PIWIL1: variants seen among roughly 807,000 people sequenced by gnomAD.
PIWIL1 encodes the protein piwi-like protein 1.
Under a neutral mutation model 114.4 loss-of-function variants are expected in PIWIL1, and 73 were observed. The observed-to-expected ratio is 0.64, with a 90% CI of 0.53 to 0.78. PIWIL1 has a LOEUF of 0.78. Ranked by LOEUF, PIWIL1 falls within the 30% of genes least tolerant of loss-of-function variation. PIWIL1 has a pLI of 0.00. For missense variants in PIWIL1, 723 were observed against 1,063.1 expected, an observed-to-expected ratio of 0.68 and a Z score of 4.45; for synonymous variants, 375 against 369.0, an observed-to-expected ratio of 1.02 and a Z score of -0.19.
chr12:130,404,563 G>A, the PIWIL1 span, among the ~76,000 whole-genome samples: 35 of 152,294 alleles, frequency 2.3e-4, no homozygotes, highest in Admixed American at 6.5e-5. Context: ...GCCTCCGCAT[G>A]AGTCACCGTG....
intron 6 of PIWIL1, among the ~76,000 whole-genome samples, chr12:130,347,766 T>G (rs2073107363): frequency 7.2e-6 from 1 of 139,174 alleles, no homozygotes; most frequent in Non-Finnish European, 1.6e-5. Context: ...CCATGTCATC[T>G]CTTGGCAGCT....
At chr12:130,356,404 A>T (rs959545846) in intron 12 of PIWIL1, among the ~76,000 whole-genome samples, 2 of 151,912 alleles carry the variant, frequency 1.3e-5, no homozygotes, top group Non-Finnish European at 2.9e-5. Flanking sequence ...GCGTGAGGCC[A>T]GGCAGGGAGG....
chr12:130,356,406 G>GC (rs1290526918), intron 12 of PIWIL1, among the ~76,000 whole-genome samples: 1 of 151,900 alleles, frequency 6.6e-6, no homozygotes, highest in Non-Finnish European at 1.5e-5. Context: ...GTGAGGCCAG[G>GC]CAGGGAGGTG....
the PIWIL1 span, chr12:130,422,475 C>T: frequency 6.2e-7 from 1 of 1,612,458 alleles, no homozygotes; most frequent in Non-Finnish European, 8.5e-7. The surrounding 1 kb of genome is among the most constrained non-coding windows in gnomAD (Gnocchi z 5.2). Context: ...CTGTCACGGG[C>T]CGGGACCTCT....
At position 130,356,944 on chromosome 12, in the gene PIWIL1, T is replaced by G; in HGVS notation, c.1431T>G (p.Asp477Glu). The G allele has an allele frequency of 6.2e-7, 1 of 1,610,324 alleles. No homozygotes were observed. The highest frequency in any genetic ancestry group is 8.5e-7 in the Non-Finnish European group (1 of 1,177,796). The part of the protein sequence containing the change: ...KTFDYNPQFA[D>E]WSKETRGAPL... ...TTGATTACAATCCACAATTTGCAGA[T>G]TGGTCCAAAGAAACAAGAGGTGCAC... The change falls in exon 13 of 21, where the codon GAT (aspartate) becomes GAG (glutamate). Residue 477 changes from aspartate (D) to glutamate (E), a missense_variant. Asp to Glu is a conservative substitution (Grantham distance 45, BLOSUM62 2). Coordinates refer to ENST00000245255, the MANE Select transcript of PIWIL1 (RefSeq NM_004764.5).
chr12:130,412,427 C>A, the PIWIL1 span, among the ~76,000 whole-genome samples: 4 of 152,220 alleles, frequency 2.6e-5, no homozygotes, highest in African/African-American at 9.6e-5. Flanking sequence ...CTAAAGCACA[C>A]AGGAGACTAC....
At chr12:130,374,233 A>T (rs1484797762), downstream of PIWIL1, among the ~76,000 whole-genome samples, 1 of 152,214 alleles carries the variant, frequency 6.6e-6, no homozygotes, top group African/African-American at 2.4e-5. Flanking sequence ...GCTTACACAC[A>T]GTGACGGCTC....
chr12:130,402,060 A>C, the PIWIL1 span, among the ~76,000 whole-genome samples: 1 of 152,200 alleles, frequency 6.6e-6, no homozygotes, highest in African/African-American at 2.4e-5. Flanking sequence ...TTTTGGGCTG[A>C]ACACACACAG....
At chr12:130,385,900 A>T in the PIWIL1 span, among the ~76,000 whole-genome samples, 1 of 152,004 alleles carries the variant, frequency 6.6e-6, no homozygotes, top group Non-Finnish European at 1.5e-5. Flanking sequence ...CAGGTGACTG[A>T]AATGATATTT....
the PIWIL1 span, among the ~76,000 whole-genome samples, chr12:130,418,518 C>G: frequency 6.6e-6 from 1 of 152,148 alleles, no homozygotes; most frequent in African/African-American, 2.4e-5. Context: ...AACTTAATGA[C>G]CATGTCAGTG....
At chr12:130,376,741 A>G (rs1406197235), downstream of PIWIL1, among the ~76,000 whole-genome samples, 1 of 152,114 alleles carries the variant, frequency 6.6e-6, no homozygotes, top group African/African-American at 2.4e-5. Context: ...TTCCTAACCC[A>G]TGTCTCTGCT....
rs116314053 is a variant in PIWIL1, at chr12:130,370,075, C to T, written c.2322-1101C>T. On this transcript the variant is annotated intron_variant, in intron 19 of 20. Coordinates refer to ENST00000245255, the MANE Select transcript of PIWIL1 (RefSeq NM_004764.5). ...GAACAAGTCATTTAACATTTCTTAACTCCTCATTCTTTGAAAAGGTAGCTA... is the reference window on the plus strand; with the variant it reads ...GAACAAGTCATTTAACATTTCTTAATTCCTCATTCTTTGAAAAGGTAGCTA... 5.7e-3 allele frequency among the ~76,000 whole-genome samples: 861 copies of T among 152,282 alleles called. 9 individuals are homozygous for T. The highest frequency in any genetic ancestry group is 0.02 in the African/African-American group (825 of 41,554).
intron 14 of PIWIL1, among the ~76,000 whole-genome samples, chr12:130,360,401 C>T (rs562135642): frequency 7.9e-5 from 12 of 152,006 alleles, no homozygotes; most frequent in East Asian, 1.9e-4. Flanking sequence ...TTTGGGAGGC[C>T]GAGGCAGGCG....
At chr12:130,390,815 A>G in the PIWIL1 span, among the ~76,000 whole-genome samples, 11 of 151,832 alleles carry the variant, frequency 7.2e-5, no homozygotes, top group Admixed American at 6.5e-5. Flanking sequence ...TGAGGGCTGT[A>G]TGCGGCCCAC....
Position 130,371,691 on chromosome 12 carries a change from T to C in PIWIL1, c.*93T>C. ...ACTTTTTTTTTAACTGTTATCTTTC[T>C]GGATGAAACTTGGGAAGGGGATTAG... On this transcript the variant is annotated 3_prime_UTR_variant, in exon 21 of 21. Transcript: ENST00000245255. 1.3e-6 allele frequency: 1 copy of C among 768,924 alleles called. No homozygotes were observed. The allele number at this position is 768,924 out of a possible 1,614,324, so 47.6% of individuals were successfully genotyped here.
chr12:130,384,360 A>G, the PIWIL1 span, among the ~76,000 whole-genome samples: 28 of 152,222 alleles, frequency 1.8e-4, 1 homozygote, highest in Non-Finnish European at 2.8e-4. Context: ...CCAGGTTTTA[A>G]GAGAAGTTAG....
At position 130,354,996 on chromosome 12, in the gene PIWIL1, A is replaced by G; in HGVS notation, c.1280A>G (p.Tyr427Cys). Reference sequence around the variant, plus strand: ...CGTGAAGTGGGACGACTCATTGATTACATTCATAAGTAAGTCATTGATTTC... The same window carrying G: ...CGTGAAGTGGGACGACTCATTGATTGCATTCATAAGTAAGTCATTGATTTC... ...RQREVGRLIDYIHKNDNVQRE... is the reference protein window; with the variant it reads ...RQREVGRLIDCIHKNDNVQRE... The change falls in exon 11 of 21, where the codon TAC becomes TGC. Residue 427 changes from tyrosine to cysteine, a missense_variant. Coordinates refer to ENST00000245255, the MANE Select transcript of PIWIL1 (RefSeq NM_004764.5). 2 of 1,594,330 alleles carry G rather than the reference A, an allele frequency of 1.3e-6. No homozygotes were observed. The highest frequency in any genetic ancestry group is 1.7e-6 in the Non-Finnish European group (2 of 1,161,964).
the PIWIL1 span, among the ~76,000 whole-genome samples, chr12:130,423,656 C>CAAAAA: frequency 1.0e-4 from 5 of 50,126 alleles, no homozygotes; most frequent in East Asian, 1.2e-3. Context: ...AAACAATATG[C>CAAAAA]AAAAAAAAAA....
chr12:130,340,929 C>G (rs150013015), intron 1 of PIWIL1, among the ~76,000 whole-genome samples: 1 of 152,212 alleles, frequency 6.6e-6, no homozygotes, highest in African/African-American at 2.4e-5. Flanking sequence ...GGGTCTTATA[C>G]AATGAATATT....
Sources: gnomAD v4.1 joint callset for allele counts (sites outside exome capture counted in the v4.1 genomes callset) on GRCh38, gnomAD v4.1.1 for gene constraint, Gnocchi (gnomAD v3.1) non-coding constraint, MANE v1.5 for transcripts, NCBI Gene and HGNC (gene_info 2026-07-23, HGNC 2026-07-21) for gene names.